Variants in MTFR1 observed in about 807,000 individuals in gnomAD.
MTFR1 encodes chondrocyte protein with a poly-proline region.
A neutral mutation model predicts 38.8 loss-of-function variants in MTFR1; 28 were observed. The ratio of observed to expected loss-of-function variants is 0.72; its 90% CI spans 0.53 to 0.99. The LOEUF is 0.99. Ranked by LOEUF, MTFR1 falls within the 50% of genes least tolerant of loss-of-function variation. The pLI, the probability that MTFR1 is intolerant of heterozygous loss-of-function variation, is 0.00. For synonymous variants in MTFR1, 145 were observed against 137.0 expected, an observed-to-expected ratio of 1.06 and a Z score of -0.41; for missense variants, 358 against 395.5, an observed-to-expected ratio of 0.91 and a Z score of 0.81.
chr8:65,690,347 C>A (rs1284744272), intron 3 of MTFR1, among the ~76,000 whole-genome samples: 1 of 151,904 alleles, frequency 6.6e-6, no homozygotes, highest in African/African-American at 2.4e-5. Flanking sequence ...CCAGCCTGGG[C>A]AACATGGCGA....
intron 3 of MTFR1, chr8:65,689,635 A>G (rs1041978086): frequency 1.6e-6 from 2 of 1,246,352 alleles, no homozygotes; most frequent in Non-Finnish European, 2.1e-6. Context: ...CTTCCCATGC[A>G]TGTCGTGGTG....
intron 1 of MTFR1, among the ~76,000 whole-genome samples, chr8:65,660,195 G>T (rs185774341): frequency 6.6e-6 from 1 of 151,586 alleles, no homozygotes; most frequent in African/African-American, 2.4e-5. Context: ...GGAGGCTGAG[G>T]CAGGAGCATC....
At chr8:65,764,562 A>T (rs1393620001) in intron 3 of MTFR1, among the ~76,000 whole-genome samples, 1 of 152,230 alleles carries the variant, frequency 6.6e-6, no homozygotes, top group Admixed American at 6.5e-5. Flanking sequence ...TGCTGAGCAA[A>T]CTATTTGTAC....
At chr8:65,722,915 A>G (rs975625409) in intron 3 of MTFR1, 6 of 152,200 alleles carry the variant, frequency 3.9e-5, no homozygotes, top group African/African-American at 1.4e-4. Context: ...AAATAACTCT[A>G]CGAGGCACAT....
At chr8:65,675,391 C>T (rs996869959) in intron 2 of MTFR1, among the ~76,000 whole-genome samples, 1 of 152,044 alleles carries the variant, frequency 6.6e-6, no homozygotes, top group Admixed American at 6.6e-5. Flanking sequence ...GTCAGGAGAT[C>T]GAGACCATCC....
chr8:65,774,701 T>C (rs897410242), downstream of MTFR1, among the ~76,000 whole-genome samples: 17 of 151,898 alleles, frequency 1.1e-4, no homozygotes, highest in African/African-American at 3.6e-4. Flanking sequence ...TGGCTAAATA[T>C]TGTTTAAATT....
chr8:65,751,292 T>G (rs1461103060), intron 3 of MTFR1, among the ~76,000 whole-genome samples: 1 of 152,178 alleles, frequency 6.6e-6, no homozygotes, highest in African/African-American at 2.4e-5. Flanking sequence ...CTGGTTTGAT[T>G]TTTTTCATTA....
rs759761151 is a variant in MTFR1 at position 65,708,017 on chromosome 8, T to C, written c.933+6T>C. ...CCACCTCAGAGAGAGTGTTGGTGAGTTATTTGCCCAGATTTCTTTCCTGTT... is the reference window on the plus strand; with the variant it reads ...CCACCTCAGAGAGAGTGTTGGTGAGCTATTTGCCCAGATTTCTTTCCTGTT... On this transcript the variant is annotated splice_donor_region_variant and intron_variant, in intron 7 of 7. Coordinates refer to ENST00000262146, the MANE Select transcript of MTFR1 (RefSeq NM_014637.4). 3.1e-6 allele frequency: 5 copies of C among 1,611,042 alleles called. No homozygotes were observed. The highest frequency in any genetic ancestry group is 4.2e-6 in the Non-Finnish European group (5 of 1,179,760).
Position 65,707,941 on chromosome 8 carries a change from G to A in MTFR1, c.863G>A (p.Ser288Asn). 6.2e-7 allele frequency: 1 copy of A among 1,614,076 alleles called. No individual in the cohort carries two copies. Among genetic ancestry groups the A allele is most frequent in the Non-Finnish European group, 8.5e-7 (1 of 1,179,986 alleles). The change falls in exon 7 of 8, where the codon AGT (serine) becomes AAT (asparagine). Residue 288 changes from serine (S) to asparagine (N), a missense_variant. Physicochemically the swap from Ser to Asn is conservative, Grantham distance 46 (BLOSUM62 1). Transcript: ENST00000262146. ...LKKKFAYRYR[S>N]DSQDEVEKGI... ...AAGAAATTTGCTTATCGGTATCGAA[G>A]TGATAGCCAAGATGAAGTTGAAAAA... is the stretch of plus-strand genomic sequence containing the variant.
intron 1 of MTFR1, among the ~76,000 whole-genome samples, chr8:65,657,254 C>T (rs1163267179): frequency 6.6e-6 from 1 of 152,122 alleles, no homozygotes; most frequent in Admixed American, 6.6e-5. Context: ...CCCATGTGAT[C>T]CACCCACCTT....
intron 1 of MTFR1, among the ~76,000 whole-genome samples, chr8:65,653,512 AAAAAAT>A (rs1809176126): frequency 6.6e-6 from 1 of 151,646 alleles, no homozygotes; most frequent in African/African-American, 2.4e-5. Context: ...GCTCTGTCTC[AAAAAAT>A]AAAAATAAGA....
intron 3 of MTFR1, among the ~76,000 whole-genome samples, chr8:65,738,273 C>A (rs752564175): frequency 8.1e-6 from 1 of 123,870 alleles, no homozygotes; most frequent in Non-Finnish European, 1.6e-5. Flanking sequence ...TTGTATATAA[C>A]CAAATAAATT....
chr8:65,756,678 T>C (rs1339702022), intron 3 of MTFR1, among the ~76,000 whole-genome samples: 1 of 152,254 alleles, frequency 6.6e-6, no homozygotes, highest in Admixed American at 6.5e-5. Context: ...CCATGTTTTC[T>C]TTTAGTTCAG....
At chr8:65,675,854 A>G (rs1804695247) in intron 2 of MTFR1, among the ~76,000 whole-genome samples, 1 of 152,184 alleles carries the variant, frequency 6.6e-6, no homozygotes, top group East Asian at 1.9e-4. Context: ...TTAAAACTAC[A>G]TGCTCACATA....
chr8:65,648,001 G>A (rs1252526188), intron 1 of MTFR1, among the ~76,000 whole-genome samples: 1 of 148,736 alleles, frequency 6.7e-6, no homozygotes. Flanking sequence ...TTGATCATTT[G>A]TTTGTTTGTT....
intron 1 of MTFR1, among the ~76,000 whole-genome samples, chr8:65,664,661 A>G (rs1197385352): frequency 6.0e-5 from 9 of 149,538 alleles, no homozygotes; most frequent in Admixed American, 6.0e-4. Context: ...CAGTGGCACA[A>G]CCTCAGCCCA....
chr8:65,777,613 C>T, the MTFR1 span, among the ~76,000 whole-genome samples: 2 of 152,070 alleles, frequency 1.3e-5, no homozygotes, highest in African/African-American at 4.8e-5. Context: ...TACATGCTAG[C>T]CTTACGTAAC....
chr8:65,646,278 A>G (rs988640819), intron 1 of MTFR1, among the ~76,000 whole-genome samples: 1 of 152,164 alleles, frequency 6.6e-6, no homozygotes, highest in East Asian at 1.9e-4. Flanking sequence ...AATTTACCTG[A>G]AGTCACACTG....
At chr8:65,653,331 G>A (rs1050887320) in intron 1 of MTFR1, among the ~76,000 whole-genome samples, 1 of 152,046 alleles carries the variant, frequency 6.6e-6, no homozygotes, top group Non-Finnish European at 1.5e-5. Context: ...GACCAGTGTG[G>A]TGAAACTCCG....
Sources: gnomAD v4.1 joint callset for allele counts (sites outside exome capture counted in the v4.1 genomes callset) on GRCh38, gnomAD v4.1.1 for gene constraint, MANE v1.5 for transcripts, NCBI Gene and HGNC (gene_info 2026-07-23, HGNC 2026-07-21) for gene names.